CPNE8: variants seen among roughly 807,000 people sequenced by gnomAD.
CPNE8 encodes copine-8.
In CPNE8, 45 loss-of-function variants were observed where a neutral mutation model predicts 81.5. The observed-to-expected ratio is 0.55, with a 90% CI of 0.44 to 0.71. The LOEUF (loss-of-function observed/expected upper bound fraction) is 0.71, where lower values mean the gene tolerates loss of function less well. Among genes scored for constraint, CPNE8 ranks in the 30% least tolerant of loss-of-function variants. The pLI, the probability that CPNE8 is intolerant of heterozygous loss-of-function variation, is 0.00. For synonymous variants in CPNE8, 252 were observed against 226.3 expected, an observed-to-expected ratio of 1.11 and a Z score of -1.02; for missense variants, 594 against 672.1, an observed-to-expected ratio of 0.88 and a Z score of 1.28.
At chr12:38,780,346 C>A (rs1383866283) in intron 6 of CPNE8, among the ~76,000 whole-genome samples, 1 of 152,002 alleles carries the variant, frequency 6.6e-6, no homozygotes, top group Admixed American at 6.6e-5. Context: ...TTTGGAGTCA[C>A]AGAACACAAA....
chr12:38,730,237 T>G, intron 11 of CPNE8, 46 bp downstream of exon 11: 1 of 1,146,372 alleles, frequency 8.7e-7, no homozygotes, highest in South Asian at 1.3e-5. Context: ...AAGCACAGAT[T>G]TATTTATTCT....
chr12:38,817,023 G>T (rs374279545), intron 6 of CPNE8, among the ~76,000 whole-genome samples: 1 of 152,106 alleles, frequency 6.6e-6, no homozygotes, highest in Non-Finnish European at 1.5e-5. Context: ...TTAAATAAAC[G>T]AATGAATGAA....
chr12:38,796,507 G>A lies in CPNE8; in HGVS notation c.408-20206C>T, dbSNP rs545188711. 3.3e-3 allele frequency among the ~76,000 whole-genome samples: 502 copies of A among 152,278 alleles called. 1 individual carries two copies. The highest frequency in any genetic ancestry group is 5.2e-3 in the Non-Finnish European group (352 of 68,014). On this transcript the variant is annotated intron_variant, in intron 6 of 19. Transcript: ENST00000331366. ...AAGAAAAAGTCATACTCTGGGAGAT[G>A]TTTTCAAAATAGTTGAACAACAAAA...
intron 3 of CPNE8, among the ~76,000 whole-genome samples, chr12:38,849,339 T>C (rs1943606619): frequency 6.6e-6 from 1 of 152,180 alleles, no homozygotes; most frequent in Admixed American, 6.5e-5. Context: ...AAGAAGGCCA[T>C]TTGGCACTTC....
At chr12:38,695,361 G>C (rs1178840241) in intron 14 of CPNE8, among the ~76,000 whole-genome samples, 1 of 152,114 alleles carries the variant, frequency 6.6e-6, no homozygotes, top group Non-Finnish European at 1.5e-5. Context: ...AAACAGAGAT[G>C]GCCTAAGCAC....
At chr12:38,791,379 A>T (rs1414609464) in intron 6 of CPNE8, among the ~76,000 whole-genome samples, 1 of 151,666 alleles carries the variant, frequency 6.6e-6, no homozygotes, top group Non-Finnish European at 1.5e-5. Context: ...TAGAATAGTT[A>T]TTAAAATATA....
At chr12:38,824,234 A>T (rs1418895671) in intron 6 of CPNE8, among the ~76,000 whole-genome samples, 4 of 152,190 alleles carry the variant, frequency 2.6e-5, no homozygotes, top group African/African-American at 9.7e-5. Flanking sequence ...AAATGAGAAA[A>T]TCTAATTTTA....
At position 38,902,340 on chromosome 12, in the gene CPNE8, G is replaced by GAA. The variant is rs369831907; in HGVS notation, c.98+3095_98+3096dup. Among the ~76,000 whole-genome samples the GAA allele has an allele frequency of 4.7e-3, 315 of 66,988 alleles. 6 individuals are homozygous for GAA. The highest frequency in any genetic ancestry group is 0.026 in the African/African-American group (289 of 10,994). The allele number at this position is 66,988 out of a possible 152,430, so 43.9% of individuals were successfully genotyped here. On this transcript the variant is annotated intron_variant, in intron 1 of 19. Coordinates refer to ENST00000331366, the MANE Select transcript of CPNE8 (RefSeq NM_153634.3). Reference sequence around the variant, plus strand: ...GGAAAGAAAGAAAGAAAGAAAGAAAGAAAGAAAGAAAGAAAGAAAGAAAGA... The same window carrying GAA: ...GGAAAGAAAGAAAGAAAGAAAGAAAGAAAAAGAAAGAAAGAAAGAAAGAAAGA...
chr12:38,706,908 C>A (rs1338893258), intron 13 of CPNE8, among the ~76,000 whole-genome samples: 1 of 152,208 alleles, frequency 6.6e-6, no homozygotes, highest in Admixed American at 6.5e-5. Context: ...AGATACAAGA[C>A]TTCAGTAGTC....
At chr12:38,725,956 G>T (rs1940686558) in intron 11 of CPNE8, among the ~76,000 whole-genome samples, 2 of 152,182 alleles carry the variant, frequency 1.3e-5, no homozygotes, top group African/African-American at 4.8e-5. Context: ...ATGGGGGTGG[G>T]GAGGATGGTT....
At chr12:38,754,206 A>G (rs1455841484) in intron 10 of CPNE8, among the ~76,000 whole-genome samples, 1 of 152,220 alleles carries the variant, frequency 6.6e-6, no homozygotes, top group Non-Finnish European at 1.5e-5. Flanking sequence ...CCAAGCAAAT[A>G]TGTGGGATAG....
At chr12:38,763,303 T>G (rs1480334537) in intron 8 of CPNE8, among the ~76,000 whole-genome samples, 1 of 152,060 alleles carries the variant, frequency 6.6e-6, no homozygotes, top group African/African-American at 2.4e-5. Flanking sequence ...ATGAGGAAGC[T>G]CTCCAATTGC....
intron 6 of CPNE8, among the ~76,000 whole-genome samples, chr12:38,809,387 A>G (rs1433377961): frequency 1.3e-5 from 2 of 152,186 alleles, no homozygotes; most frequent in Admixed American, 1.3e-4. Flanking sequence ...TTTCTCTTGC[A>G]TTGCATCTCT....
chr12:38,729,447 G>A (rs934872374), intron 11 of CPNE8, among the ~76,000 whole-genome samples: 1 of 151,918 alleles, frequency 6.6e-6, no homozygotes, highest in Non-Finnish European at 1.5e-5. Context: ...ATTAGGTACT[G>A]AAATTTATAT....
At chr12:38,845,819 C>G (rs1447111476) in intron 4 of CPNE8, among the ~76,000 whole-genome samples, 1 of 152,122 alleles carries the variant, frequency 6.6e-6, no homozygotes, top group Non-Finnish European at 1.5e-5. Flanking sequence ...GGACTTGTTA[C>G]TCCTCTTGAT....
intron 6 of CPNE8, among the ~76,000 whole-genome samples, chr12:38,798,160 C>A (rs376032865): frequency 6.6e-6 from 1 of 152,244 alleles, no homozygotes; most frequent in Admixed American, 6.5e-5. Flanking sequence ...CCCAATCTAG[C>A]AAGGCAGGCC....
chr12:38,866,124 T>C (rs540310855), intron 3 of CPNE8, among the ~76,000 whole-genome samples: 2 of 152,258 alleles, frequency 1.3e-5, no homozygotes, highest in Non-Finnish European at 2.9e-5. Context: ...TGTTGAAATA[T>C]TAATGGCCAC....
intron 13 of CPNE8, among the ~76,000 whole-genome samples, chr12:38,718,235 G>A (rs1592034572): frequency 1.3e-5 from 2 of 152,196 alleles, no homozygotes; most frequent in East Asian, 3.9e-4. Context: ...GAGGCATGCT[G>A]AAGATGAGCA....
intron 1 of CPNE8, among the ~76,000 whole-genome samples, 174 bp downstream of exon 1, chr12:38,905,263 C>T (rs534746198): frequency 2.0e-5 from 3 of 152,308 alleles, no homozygotes; most frequent in Non-Finnish European, 2.9e-5. Flanking sequence ...CTTCTAATTC[C>T]CGCTCCCCTG....
Sources: gnomAD v4.1 joint callset for allele counts (sites outside exome capture counted in the v4.1 genomes callset) on GRCh38, gnomAD v4.1.1 for gene constraint, MANE v1.5 for transcripts, NCBI Gene and HGNC (gene_info 2026-07-23, HGNC 2026-07-21) for gene names.